LDLRAD3: variants seen among roughly 807,000 people sequenced by gnomAD.
LDLRAD3 encodes low density lipoprotein receptor class A domain containing 3.
A neutral mutation model predicts 29.4 loss-of-function variants in LDLRAD3; 20 were observed. The observed-to-expected ratio is 0.68, with a 90% CI of 0.48 to 0.99. LDLRAD3 has a LOEUF of 0.99. Ranked by LOEUF, LDLRAD3 falls within the 50% of genes least tolerant of loss-of-function variation. The pLI, the probability that LDLRAD3 is intolerant of heterozygous loss-of-function variation, is 0.00. For synonymous variants in LDLRAD3, 157 were observed against 192.7 expected (o/e 0.81, Z 1.53); for missense variants, 420 against 454.3 (o/e 0.92, Z 0.69).
At chr11:36,127,725 C>T (rs920789883) in intron 4 of LDLRAD3, among the ~76,000 whole-genome samples, 2 of 152,120 alleles carry the variant, frequency 1.3e-5, no homozygotes. Context: ...ATTTGCTCCT[C>T]AAATCTGCTT....
chr11:36,074,034 G>T (rs1329920426), intron 2 of LDLRAD3, among the ~76,000 whole-genome samples: 1 of 152,170 alleles, frequency 6.6e-6, no homozygotes, highest in Non-Finnish European at 1.5e-5. Context: ...AAAGATATCT[G>T]TGAAACAGAG....
At chr11:36,060,707 T>G (rs1267454389) in intron 2 of LDLRAD3, among the ~76,000 whole-genome samples, 4 of 152,218 alleles carry the variant, frequency 2.6e-5, no homozygotes, top group African/African-American at 9.6e-5. Flanking sequence ...TTCTGGATAC[T>G]TCTCTCCATC....
intron 4 of LDLRAD3, among the ~76,000 whole-genome samples, chr11:36,145,347 T>C (rs1381744214): frequency 1.2e-5 from 1 of 84,442 alleles, no homozygotes; most frequent in African/African-American, 5.9e-5. Context: ...GAGGAGCCCC[T>C]CTGCCCGGCC....
chr11:36,211,007 C>G (rs1021918268), intron 4 of LDLRAD3, among the ~76,000 whole-genome samples: 1 of 152,110 alleles, frequency 6.6e-6, no homozygotes, highest in Non-Finnish European at 1.5e-5. Flanking sequence ...GAGTAACTTC[C>G]CAAAGAGACT....
chr11:36,033,165 T>C (rs1270736244), intron 1 of LDLRAD3, among the ~76,000 whole-genome samples: 2 of 152,124 alleles, frequency 1.3e-5, no homozygotes, highest in African/African-American at 4.8e-5. Context: ...GAGCTACCGT[T>C]ACCGGCCCTC....
At chr11:36,054,391 G>A (rs1377155031) in intron 2 of LDLRAD3, among the ~76,000 whole-genome samples, 3 of 152,236 alleles carry the variant, frequency 2.0e-5, no homozygotes, top group Non-Finnish European at 4.4e-5. Context: ...AAACAAAACA[G>A]TACCTCTGTG....
intron 4 of LDLRAD3, among the ~76,000 whole-genome samples, chr11:36,191,509 C>T (rs554237793): frequency 2.2e-4 from 32 of 147,244 alleles, no homozygotes; most frequent in African/African-American, 8.1e-4. Flanking sequence ...CGCCACTGCA[C>T]TCTAGCCTGG....
intron 4 of LDLRAD3, among the ~76,000 whole-genome samples, chr11:36,211,171 T>C (rs995139211): frequency 1.6e-4 from 24 of 152,340 alleles, no homozygotes; most frequent in African/African-American, 5.8e-4. Flanking sequence ...TCTGCCATTG[T>C]AGCATGAAAG....
chr11:36,033,065 G>A (rs1852255906), intron 1 of LDLRAD3, among the ~76,000 whole-genome samples: 1 of 151,954 alleles, frequency 6.6e-6, no homozygotes, highest in Non-Finnish European at 1.5e-5. Flanking sequence ...GTAGAGAAGG[G>A]GTTTCACCAT....
intron 3 of LDLRAD3, among the ~76,000 whole-genome samples, chr11:36,097,705 T>C (rs1330648243): frequency 6.6e-6 from 1 of 152,084 alleles, no homozygotes; most frequent in Non-Finnish European, 1.5e-5. Context: ...GTAGGGTGAA[T>C]ATACTTAACA....
At chr11:36,000,176 C>T (rs1851805524) in intron 1 of LDLRAD3, among the ~76,000 whole-genome samples, 1 of 151,460 alleles carries the variant, frequency 6.6e-6, no homozygotes, top group Admixed American at 6.6e-5. Flanking sequence ...ACACAAAACT[C>T]TGTGTATGTG....
chr11:36,045,709 C>T (rs563989364), intron 2 of LDLRAD3, among the ~76,000 whole-genome samples: 12 of 146,544 alleles, frequency 8.2e-5, no homozygotes, highest in East Asian at 4.1e-4. Context: ...ATAAGTCTCA[C>T]GAGATCTGAT....
rs372125345 is a variant in LDLRAD3, at chr11:35,948,267, C to T, written c.46+4123C>T. On this transcript the variant is annotated intron_variant, in intron 1 of 5. Coordinates refer to ENST00000315571, the MANE Select transcript of LDLRAD3 (RefSeq NM_174902.4). ...GGAACTGTTTTTAGCTATGGGATTG[C>T]CCCAGGGATGGATCTATTTTTGGTT... Among the ~76,000 whole-genome samples the T allele has an allele frequency of 1.6e-4, 25 of 152,260 alleles. 1 individual carries two copies. In the East Asian group the frequency reaches 2.1e-3, roughly 13 times the overall value.
intron 4 of LDLRAD3, among the ~76,000 whole-genome samples, chr11:36,174,842 C>T (rs539772838): frequency 4.6e-5 from 7 of 152,118 alleles, no homozygotes; most frequent in South Asian, 4.1e-4. Flanking sequence ...ATTAGCTGGG[C>T]GTGGTGGCAG....
At chr11:36,106,532 TA>T (rs1390213587) in intron 4 of LDLRAD3, among the ~76,000 whole-genome samples, 4 of 152,182 alleles carry the variant, frequency 2.6e-5, no homozygotes, top group African/African-American at 9.7e-5. Flanking sequence ...ATACCTCAAA[TA>T]AAACCTCAGA....
intron 1 of LDLRAD3, among the ~76,000 whole-genome samples, chr11:36,008,205 C>T (rs185580653): frequency 1.4e-4 from 21 of 152,198 alleles, no homozygotes; most frequent in South Asian, 2.1e-4. Flanking sequence ...CACTTGGGGA[C>T]GCAAACCAGG....
At chr11:36,179,096 T>C (rs527943592) in intron 4 of LDLRAD3, among the ~76,000 whole-genome samples, 10 of 152,342 alleles carry the variant, frequency 6.6e-5, no homozygotes, top group Admixed American at 2.0e-4. Context: ...GGAGACAGAA[T>C]GCTCTGGCTG....
chr11:35,963,189 C>A (rs1459536528), intron 1 of LDLRAD3, among the ~76,000 whole-genome samples: 1 of 152,192 alleles, frequency 6.6e-6, no homozygotes, highest in Admixed American at 6.5e-5. Context: ...ATGTATGAAA[C>A]CAACCAACGG....
At chr11:35,963,435 T>TG (rs1238594050) in intron 1 of LDLRAD3, among the ~76,000 whole-genome samples, 2 of 147,658 alleles carry the variant, frequency 1.4e-5, no homozygotes, top group African/African-American at 5.0e-5. Context: ...GTGTGTGTGT[T>TG]TTTTTTTTTT....
Sources: allele counts gnomAD v4.1 joint callset (sites outside exome capture counted in the v4.1 genomes callset), GRCh38; gene constraint gnomAD v4.1.1; transcripts MANE v1.5; gene names NCBI Gene and HGNC (gene_info 2026-07-23, HGNC 2026-07-21).